The following LYPLA1 variants were observed in gnomAD, a reference collection of about 807,000 sequenced individuals.
LYPLA1 encodes lysophospholipase 1, also known as acyl-protein thioesterase 1.
A neutral mutation model predicts 34.0 loss-of-function variants in LYPLA1; 17 were observed. That is an observed-to-expected ratio of 0.50 (90% CI 0.34 to 0.75). LYPLA1 has a LOEUF of 0.75. Ranked by LOEUF, LYPLA1 falls within the 30% of genes least tolerant of loss-of-function variation. LYPLA1 has a pLI of 0.01. For missense variants in LYPLA1, 203 were observed against 288.8 expected (o/e 0.70, Z 2.15); for synonymous variants, 98 against 100.8 (o/e 0.97, Z 0.17).
intron 5 of LYPLA1, among the ~76,000 whole-genome samples, chr8:54,059,983 C>T (rs900944428): frequency 3.3e-5 from 5 of 152,216 alleles, no homozygotes; most frequent in Non-Finnish European, 2.9e-5. Context: ...TTGCTGCCCA[C>T]ACCCACCTAC....
chr8:54,052,540 T>C (rs1194381236), intron 7 of LYPLA1, 115 bp downstream of exon 7: 1 of 684,722 alleles, frequency 1.5e-6, no homozygotes, highest in Non-Finnish European at 2.5e-6. Flanking sequence ...AATTTAGAAC[T>C]TCTCCAAAAA....
At chr8:54,085,974 C>T (rs1027640680) in intron 2 of LYPLA1, among the ~76,000 whole-genome samples, 31 of 152,062 alleles carry the variant, frequency 2.0e-4, no homozygotes, top group Non-Finnish European at 2.1e-4. Flanking sequence ...ATGACGATGG[C>T]GGTTTTGTCG....
intron 2 of LYPLA1, among the ~76,000 whole-genome samples, chr8:54,066,519 G>A (rs546784823): frequency 8.5e-5 from 13 of 152,146 alleles, no homozygotes; most frequent in African/African-American, 2.4e-4. Context: ...AGTGGCTCAC[G>A]CCTGTAATCC....
At chr8:54,081,471 AAC>A (rs1450048751) in intron 2 of LYPLA1, among the ~76,000 whole-genome samples, 6 of 151,860 alleles carry the variant, frequency 4.0e-5, no homozygotes, top group Admixed American at 6.6e-5. Flanking sequence ...TTTATTCTGA[AAC>A]ACAGTCTTGC....
At chr8:54,048,220 G>A (rs940915079) in intron 8 of LYPLA1, 102 bp from the exon 9 acceptor site, 20 of 687,338 alleles carry the variant, frequency 2.9e-5, no homozygotes, top group Middle Eastern at 2.5e-4. Context: ...GCATAAAGGC[G>A]AAATCACATT....
At chr8:54,062,165 G>A (rs1016033449) in intron 5 of LYPLA1, 89 bp downstream of exon 5, 5 of 961,600 alleles carry the variant, frequency 5.2e-6, no homozygotes, top group Middle Eastern at 2.1e-4. Context: ...GCCCAAATGT[G>A]TAATTTTTAA....
intron 2 of LYPLA1, among the ~76,000 whole-genome samples, chr8:54,076,923 C>T (rs541372437): frequency 6.6e-6 from 1 of 152,230 alleles, no homozygotes; most frequent in South Asian, 2.1e-4. Context: ...CCCCTGATTT[C>T]CCACTTCACA....
intron 2 of LYPLA1, among the ~76,000 whole-genome samples, chr8:54,080,615 C>G (rs1808241447): frequency 1.3e-5 from 2 of 152,018 alleles, no homozygotes; most frequent in African/African-American, 4.8e-5. Context: ...TGAGATGGAG[C>G]CTCTCTCTGT....
At chr8:54,100,846 C>G (rs780219920) in intron 2 of LYPLA1, 62 bp downstream of exon 2, 1 of 1,340,722 alleles carries the variant, frequency 7.5e-7, no homozygotes, top group East Asian at 2.3e-5. Context: ...CCTTTGAACG[C>G]GTAAACAAAA....
At chr8:54,049,490 C>T (rs908920199) in intron 8 of LYPLA1, among the ~76,000 whole-genome samples, 2 of 152,118 alleles carry the variant, frequency 1.3e-5, no homozygotes, top group Admixed American at 6.5e-5. Flanking sequence ...CAGCAACCTC[C>T]GGAGATCAAG....
At chr8:54,082,503 G>A (rs1808395855) in intron 2 of LYPLA1, among the ~76,000 whole-genome samples, 1 of 151,806 alleles carries the variant, frequency 6.6e-6, no homozygotes, top group South Asian at 2.1e-4. Flanking sequence ...TTTTTTGGTA[G>A]AGACAGGATC....
chr8:54,073,237 C>A, intron 2 of LYPLA1: 1 of 866,484 alleles, frequency 1.2e-6, no homozygotes, highest in Non-Finnish European at 2.0e-6. Flanking sequence ...CAGTAAGGAA[C>A]TAAACAGAAC....
chr8:54,083,484 G>C (rs1808460941), intron 2 of LYPLA1, among the ~76,000 whole-genome samples: 1 of 152,090 alleles, frequency 6.6e-6, no homozygotes, highest in South Asian at 2.1e-4. Context: ...TAAAACATCT[G>C]TATATCAAGA....
intron 2 of LYPLA1, among the ~76,000 whole-genome samples, chr8:54,078,891 T>G (rs1169232962): frequency 6.6e-6 from 1 of 151,952 alleles, no homozygotes; most frequent in Non-Finnish European, 1.5e-5. Flanking sequence ...CCCCCCCTTT[T>G]TTTTTGCTTT....
At chr8:54,058,165 T>C (rs567404893) in intron 5 of LYPLA1, among the ~76,000 whole-genome samples, 2 of 152,200 alleles carry the variant, frequency 1.3e-5, no homozygotes, top group South Asian at 4.1e-4. Flanking sequence ...GTGTTTAAAA[T>C]TGTACGTAGT....
At chr8:54,092,230 G>A (rs984743239) in intron 2 of LYPLA1, among the ~76,000 whole-genome samples, 1 of 150,910 alleles carries the variant, frequency 6.6e-6, no homozygotes, top group Non-Finnish European at 1.5e-5. Context: ...AGGAGGAGGA[G>A]GAGAAGGAGA....
At chr8:54,065,108 C>T (rs151311548) in intron 3 of LYPLA1, among the ~76,000 whole-genome samples, 1 of 152,216 alleles carries the variant, frequency 6.6e-6, no homozygotes, top group African/African-American at 2.4e-5. Context: ...AGAGTGTTTT[C>T]AACGTAATAA....
At chr8:54,063,259 CA>C in intron 4 of LYPLA1, 68 bp downstream of exon 4, 1 of 1,030,874 alleles carries the variant, frequency 9.7e-7, no homozygotes, top group Non-Finnish European at 1.4e-6. Flanking sequence ...CTGCTGTACA[CA>C]AAAGCATTTC....
intron 2 of LYPLA1, among the ~76,000 whole-genome samples, chr8:54,072,414 C>A (rs938204912): frequency 6.6e-6 from 1 of 152,074 alleles, no homozygotes; most frequent in Admixed American, 6.6e-5. Context: ...GGAGCTATTG[C>A]ACAGCAAAAG....
Sources: gnomAD v4.1 joint callset for allele counts (sites outside exome capture counted in the v4.1 genomes callset) on GRCh38, gnomAD v4.1.1 for gene constraint, MANE v1.5 for transcripts, NCBI Gene and HGNC (gene_info 2026-07-23, HGNC 2026-07-21) for gene names.